DNAH3: variants seen among roughly 807,000 people sequenced by gnomAD.
DNAH3 encodes the protein axonemal beta dynein heavy chain 3.
DNAH3 carries 332 observed loss-of-function variants against 432.5 expected under a neutral mutation model. The observed-to-expected ratio is 0.77, with a 90% CI of 0.70 to 0.84. The LOEUF (loss-of-function observed/expected upper bound fraction) is 0.84, where lower values mean the gene tolerates loss of function less well. DNAH3 is among the 40% of genes least tolerant of loss of function. DNAH3 has a pLI of 0.00. For missense variants in DNAH3, 4,861 were observed against 5,114.0 expected (o/e 0.95, Z 1.51); for synonymous variants, 1,956 against 1,900.2 (o/e 1.03, Z -0.76).
chr16:21,111,339 A>G (rs1362829279), intron 14 of DNAH3, among the ~76,000 whole-genome samples: 1 of 152,200 alleles, frequency 6.6e-6, no homozygotes, highest in Non-Finnish European at 1.5e-5. Context: ...CCCAGGAAGC[A>G]GTTTGCATTC....
At chr16:21,039,567 T>TTAGA (rs1171100064) in intron 33 of DNAH3, among the ~76,000 whole-genome samples, 1 of 152,076 alleles carries the variant, frequency 6.6e-6, no homozygotes, top group Non-Finnish European at 1.5e-5. Flanking sequence ...TATGGATGTG[T>TTAGA]TAGAGTGAGA....
chr16:20,980,361 AAT>A (rs1241768882), intron 49 of DNAH3, among the ~76,000 whole-genome samples: 1 of 119,664 alleles, frequency 8.4e-6, no homozygotes, highest in Non-Finnish European at 1.9e-5. Flanking sequence ...TTTATATATA[AAT>A]ATATATATAT....
chr16:21,051,697 A>C lies in DNAH3; in HGVS notation c.4211T>G (p.Ile1404Ser), dbSNP rs1402616385. ...GTAGCAGCGGTCGGTGAGGGGTGTG[A>C]TCACCAGCCGGGGGGAGTTTCCCAG... The change falls in exon 29 of 62, where the codon ATC becomes AGC. Residue 1404 changes from isoleucine (I) to serine (S), a missense_variant. Coordinates refer to ENST00000261383, the Ensembl canonical transcript of DNAH3. 3 of 1,613,436 alleles carry C rather than the reference A, an allele frequency of 1.9e-6. No individual in the cohort carries two copies. In the Admixed American group the frequency reaches 5.0e-5, roughly 27 times the overall value.
intron 47 of DNAH3, among the ~76,000 whole-genome samples, chr16:20,986,023 T>C (rs1308657662): frequency 6.6e-6 from 1 of 151,880 alleles, no homozygotes; most frequent in East Asian, 2.0e-4. Context: ...GCCTGGCTAA[T>C]TTTTGTATTT....
intron 42 of DNAH3, among the ~76,000 whole-genome samples, chr16:21,001,539 G>C (rs2087019720): frequency 1.3e-5 from 2 of 152,096 alleles, no homozygotes; most frequent in African/African-American, 2.4e-5. Flanking sequence ...GGTAGAAAAA[G>C]GCTCAGCTTC....
intron 59 of DNAH3, among the ~76,000 whole-genome samples, chr16:20,937,609 G>A (rs2083642934): frequency 6.8e-6 from 1 of 146,590 alleles, no homozygotes; most frequent in African/African-American, 2.5e-5. Flanking sequence ...GCTCACTGCA[G>A]CCTCGATCTC....
intron 34 of DNAH3, 78 bp from the exon 35 acceptor site, chr16:21,036,926 T>C: frequency 8.4e-7 from 1 of 1,188,072 alleles, no homozygotes; most frequent in African/African-American, 1.5e-5. Flanking sequence ...TAAAATGAGA[T>C]GTATCAACAA....
intron 24 of DNAH3, among the ~76,000 whole-genome samples, chr16:21,065,229 C>G (rs1031685198): frequency 6.6e-6 from 1 of 151,994 alleles, no homozygotes. Context: ...GGCACCATCT[C>G]GGCTCACCAC....
intron 8 of DNAH3, among the ~76,000 whole-genome samples, chr16:21,125,613 T>C (rs954177779): frequency 6.6e-6 from 1 of 152,338 alleles, no homozygotes; most frequent in Middle Eastern, 3.4e-3. Flanking sequence ...AAAGGGGATA[T>C]TGGTGGCACA....
chr16:21,122,352 C>G (rs768749926), intron 9 of DNAH3, among the ~76,000 whole-genome samples: 17 of 151,990 alleles, frequency 1.1e-4, no homozygotes, highest in Non-Finnish European at 1.5e-4. Context: ...GTCAGGAGTT[C>G]AAGATCAGCC....
intron 50 of DNAH3, among the ~76,000 whole-genome samples, chr16:20,975,937 G>A (rs1301664692): frequency 6.6e-6 from 1 of 151,994 alleles, no homozygotes; most frequent in African/African-American, 2.4e-5. Context: ...TAGAGACGAA[G>A]TTTCACCATG....
intron 49 of DNAH3, among the ~76,000 whole-genome samples, chr16:20,981,846 A>G (rs1410759721): frequency 6.6e-6 from 1 of 151,832 alleles, no homozygotes; most frequent in African/African-American, 2.4e-5. Flanking sequence ...TCTAGCCTTC[A>G]TGGAACATCC....
At chr16:21,050,738 C>G (rs2089921140) in intron 29 of DNAH3, among the ~76,000 whole-genome samples, 1 of 152,166 alleles carries the variant, frequency 6.6e-6, no homozygotes. Flanking sequence ...GCCACCATGC[C>G]CAGCTAGATT....
Position 20,935,329 on chromosome 16 carries a change from T to C in DNAH3, c.11997+19A>G. 1.2e-6 allele frequency: 2 copies of C among 1,613,924 alleles called. No individual in the cohort carries two copies. The highest frequency in any genetic ancestry group is 3.3e-4 in the Middle Eastern group (2 of 6,060). ...CTCTGGTCAGCCCCTTGAGTGAGCC[T>C]AACCCAAAGCACCCCTACCTCAAAC... On this transcript the variant is annotated intron_variant, in intron 61 of 61. Transcript: ENST00000261383.
chr16:21,081,393 A>C (rs1301210310), intron 20 of DNAH3, among the ~76,000 whole-genome samples: 2 of 151,576 alleles, frequency 1.3e-5, no homozygotes, highest in South Asian at 2.1e-4. Flanking sequence ...AAAAAAAAAA[A>C]AACCCTTTGA....
intron 51 of DNAH3, among the ~76,000 whole-genome samples, chr16:20,970,861 TTC>T (rs1035924379): frequency 1.4e-5 from 2 of 140,328 alleles, no homozygotes; most frequent in African/African-American, 5.4e-5. Flanking sequence ...CTTTTCTCTA[TTC>T]TTTTTTTTTT....
In DNAH3 at chr16:20,979,800, A is replaced by C. The variant is rs534134983; in HGVS notation, c.7860-254T>G. Among the ~76,000 whole-genome samples, 2 of 152,188 alleles carry C rather than the reference A, an allele frequency of 1.3e-5. 1 individual carries two copies. Among genetic ancestry groups the C allele is most frequent in the African/African-American group, 4.8e-5 (2 of 41,478 alleles). On this transcript the variant is annotated intron_variant, in intron 49 of 61. Coordinates refer to ENST00000261383, the Ensembl canonical transcript of DNAH3. ...TGTCTCTCTCTGACACCCAGGCTGGAGTGCAGTGGCGCGATCTCAGCTCGC... is the reference window on the plus strand; with the variant it reads ...TGTCTCTCTCTGACACCCAGGCTGGCGTGCAGTGGCGCGATCTCAGCTCGC...
chr16:20,962,960 C>T (rs1435604474), intron 53 of DNAH3, among the ~76,000 whole-genome samples: 1 of 152,200 alleles, frequency 6.6e-6, no homozygotes, highest in Non-Finnish European at 1.5e-5. Context: ...CTCCGGAACC[C>T]TCACCAGGTT....
At chr16:21,059,761 G>A (rs1230369659) in intron 26 of DNAH3, among the ~76,000 whole-genome samples, 2 of 149,862 alleles carry the variant, frequency 1.3e-5, no homozygotes, top group African/African-American at 2.5e-5. Context: ...GGGAGACAGA[G>A]TGAGACTCCA....
Sources: gnomAD v4.1 joint callset for allele counts (sites outside exome capture counted in the v4.1 genomes callset) on GRCh38, gnomAD v4.1.1 for gene constraint, MANE v1.5 for transcripts, NCBI Gene and HGNC (gene_info 2026-07-23, HGNC 2026-07-21) for gene names.